Variants in HMCN1 observed in about 807,000 individuals in gnomAD.
HMCN1 encodes the protein hemicentin-1.
HMCN1 carries 321 observed loss-of-function variants against 625.9 expected under a neutral mutation model. That is an observed-to-expected ratio of 0.51 (90% confidence interval 0.47 to 0.56). The LOEUF (loss-of-function observed/expected upper bound fraction) is 0.56, where lower values mean the gene tolerates loss of function less well. Ranked by LOEUF, HMCN1 falls within the 20% of genes least tolerant of loss-of-function variation. The probability of loss-of-function intolerance (pLI) is 0.00; values close to 1 mark genes in which losing one functional copy is unlikely to be tolerated. For synonymous variants in HMCN1, 2,425 were observed against 2,417.6 expected (o/e 1.00, Z -0.09); for missense variants, 6,588 against 6,887.3 (o/e 0.96, Z 1.54).
At chr1:186,108,690 C>T (rs1660739406) in intron 71 of HMCN1, 93 bp downstream of exon 71, 14 of 1,366,094 alleles carry the variant, frequency 1.0e-5, no homozygotes, top group Middle Eastern at 1.8e-4. Flanking sequence ...ACAAAACCAA[C>T]TAACATCAGG....
chr1:185,859,025 GT>G (rs1213829735), intron 2 of HMCN1, among the ~76,000 whole-genome samples: 3 of 50,832 alleles, frequency 5.9e-5, no homozygotes, highest in African/African-American at 3.9e-4. Flanking sequence ...AAAGATGTGT[GT>G]GTGTGTGTGT....
In HMCN1 at chr1:186,187,974, C is replaced by G. The variant is rs776248307; in HGVS notation, c.16506C>G (p.Pro5502=). Residue 5502 remains proline, a synonymous_variant, in exon 106 of 107, where the codon CCC becomes CCG. Coordinates refer to ENST00000271588, the MANE Select transcript of HMCN1 (RefSeq NM_031935.3). ...GAAGCTACCAGTGCATCGATACACC[C>G]TGTCCACCCAACTACCAACGGGATC... ...MRGSYQCIDT[P]CPPNYQRDPV... is the part of the protein sequence containing the mutation. 4 of 1,613,876 alleles carry G rather than the reference C, an allele frequency of 2.5e-6. No individual in the cohort carries two copies. Among genetic ancestry groups the G allele is most frequent in the Non-Finnish European group, 3.4e-6 (4 of 1,179,810 alleles).
chr1:186,088,605 G>C lies in HMCN1; in HGVS notation c.9578-1G>C, dbSNP rs1326876772. On this transcript the variant is annotated splice_acceptor_variant, in intron 62 of 106. Transcript: ENST00000271588. LOFTEE classifies it high-confidence loss of function. ...TTATTGTGCTTTGTTTCTACCTCTA[G>C]AAAATTCTGACTCACTGGAAGTTCG... 4 of 1,611,072 alleles carry C rather than the reference G, an allele frequency of 2.5e-6. No homozygotes were observed. In the South Asian group the frequency reaches 4.4e-5, roughly 18 times the overall value.
At chr1:185,829,088 A>G (rs1166140585) in intron 1 of HMCN1, among the ~76,000 whole-genome samples, 2 of 152,296 alleles carry the variant, frequency 1.3e-5, no homozygotes, top group East Asian at 3.9e-4. Context: ...TAGGGAAACT[A>G]TCTTGAAATG....
intron 4 of HMCN1, 88 bp downstream of exon 4, chr1:185,865,951 A>G: frequency 7.1e-7 from 1 of 1,408,658 alleles, no homozygotes; most frequent in Non-Finnish European, 9.9e-7. Context: ...TTTGATTTCA[A>G]AAACAATTTT....
At chr1:186,130,134 G>A in intron 84 of HMCN1, 34 bp downstream of exon 84, 1 of 1,611,890 alleles carries the variant, frequency 6.2e-7, no homozygotes, top group Non-Finnish European at 8.5e-7. Flanking sequence ...AATTTATAAT[G>A]CATTCATAAT....
intron 104 of HMCN1, among the ~76,000 whole-genome samples, chr1:186,181,251 CAG>C (rs1330343169): frequency 6.6e-6 from 1 of 152,156 alleles, no homozygotes; most frequent in Non-Finnish European, 1.5e-5. Flanking sequence ...GGTGTATGCT[CAG>C]AGACTATGAG....
intron 14 of HMCN1, among the ~76,000 whole-genome samples, chr1:185,968,346 ACTCTT>A (rs1650568095): frequency 6.6e-6 from 1 of 151,928 alleles, no homozygotes; most frequent in African/African-American, 2.4e-5. Context: ...AAACACTGCC[ACTCTT>A]CTCACTAACT....
chr1:185,975,330 G>C (rs1340994620), intron 15 of HMCN1, among the ~76,000 whole-genome samples: 1 of 152,144 alleles, frequency 6.6e-6, no homozygotes, highest in African/African-American at 2.4e-5. Context: ...AGAAAGCATG[G>C]CTAGGGAGGA....
intron 4 of HMCN1, among the ~76,000 whole-genome samples, chr1:185,881,071 C>T (rs907826895): frequency 6.6e-6 from 1 of 152,226 alleles, no homozygotes; most frequent in African/African-American, 2.4e-5. Flanking sequence ...TCTTTTAGCT[C>T]TGCTGTTGAC....
At position 185,982,414 on chromosome 1, in the gene HMCN1, TTCACATTCTTTTGTGAG is replaced by T. The variant is rs760573455; in HGVS notation, c.2790+27_2790+43del. ...GGTAAGAACATTTTAAATGCATGCA[TTCACATTCTTTTGTGAG>T]TTTTCTTTTCTTTTTTTTTTTTTTT... is the stretch of plus-strand genomic sequence containing the variant. On this transcript the variant is annotated intron_variant, in intron 18 of 106. Coordinates refer to ENST00000271588, the MANE Select transcript of HMCN1 (RefSeq NM_031935.3). 12 of 1,598,570 alleles carry T rather than the reference TTCACATTCTTTTGTGAG, an allele frequency of 7.5e-6. No individual in the cohort carries two copies. The African/African-American group carries it at 1.6e-4, about 21-fold the overall frequency.
Position 186,132,368 on chromosome 1 carries a change from A to G in HMCN1, c.13271A>G (p.Glu4424Gly), listed in dbSNP as rs762705339. The change falls in exon 86 of 107, where the codon GAA becomes GGA. Residue 4424 changes from glutamate to glycine, a missense_variant. Physicochemically the swap from Glu to Gly is moderately conservative, Grantham distance 98. Coordinates refer to ENST00000271588, the MANE Select transcript of HMCN1 (RefSeq NM_031935.3). ...GACTATACATGTGTAGCTACCAATG[A>G]AGCTGGGGTGGTGGAGCGCAGCATG... ...AGDYTCVATN[E>G]AGVVERSMSL... is the part of the protein sequence containing the mutation. 16 of 1,612,922 alleles carry G rather than the reference A, an allele frequency of 9.9e-6. No homozygotes were observed. The highest frequency in any genetic ancestry group is 1.2e-5 in the Non-Finnish European group (14 of 1,179,454).
Position 185,948,480 on chromosome 1 carries a change from G to A in HMCN1, c.1829-14038G>A, listed in dbSNP as rs546558960. Among the ~76,000 whole-genome samples, 4 of 150,848 alleles carry A rather than the reference G, an allele frequency of 2.7e-5. No individual in the cohort carries two copies. In the East Asian group the frequency reaches 7.8e-4, roughly 29 times the overall value. On this transcript the variant is annotated intron_variant, in intron 11 of 106. Coordinates refer to ENST00000271588, the MANE Select transcript of HMCN1 (RefSeq NM_031935.3). ...TGTTCTCTGGTGGGCAGGAGTGGGG[G>A]TCGCAAGGTGCTCAGTGGGGGTGCT...
intron 35 of HMCN1, 85 bp downstream of exon 35, chr1:186,019,780 A>G: frequency 2.2e-5 from 26 of 1,200,758 alleles, no homozygotes; most frequent in Non-Finnish European, 3.1e-5. Context: ...TTAACTGTAG[A>G]TTTTCCTGTT....
At chr1:186,041,427 A>G (rs1420685962) in intron 40 of HMCN1, among the ~76,000 whole-genome samples, 1 of 152,162 alleles carries the variant, frequency 6.6e-6, no homozygotes, top group Non-Finnish European at 1.5e-5. Context: ...TAGAAGAGAT[A>G]ATCTTCTCAT....
chr1:185,735,949 A>G (rs115925339), intron 1 of HMCN1, among the ~76,000 whole-genome samples: 353 of 152,236 alleles, frequency 2.3e-3, no homozygotes, highest in African/African-American at 8.1e-3. Context: ...TGAAGCAGTG[A>G]TTTCTTAACA....
intron 11 of HMCN1, among the ~76,000 whole-genome samples, chr1:185,961,564 A>C (rs1445311781): frequency 6.6e-6 from 1 of 152,204 alleles, no homozygotes; most frequent in Non-Finnish European, 1.5e-5. Context: ...TACCTTATTA[A>C]GTGGTAGATA....
At chr1:186,096,654 C>T (rs1197368468) in intron 68 of HMCN1, among the ~76,000 whole-genome samples, 3 of 152,118 alleles carry the variant, frequency 2.0e-5, no homozygotes, top group African/African-American at 7.2e-5. Flanking sequence ...CAACAAAATA[C>T]TAGCAAACCA....
At chr1:186,041,852 G>A (rs1193023206) in intron 40 of HMCN1, among the ~76,000 whole-genome samples, 4 of 152,034 alleles carry the variant, frequency 2.6e-5, no homozygotes, top group Admixed American at 6.6e-5. Context: ...CTCTTGAAGA[G>A]TTTCTGTTTA....
Sources: gnomAD v4.1 joint callset for allele counts (sites outside exome capture counted in the v4.1 genomes callset) on GRCh38, gnomAD v4.1.1 for gene constraint, MANE v1.5 for transcripts, NCBI Gene and HGNC (gene_info 2026-07-23, HGNC 2026-07-21) for gene names.